Variants in PHF14 observed in about 807,000 individuals in gnomAD.
PHF14 encodes PHD finger protein 14.
A neutral mutation model predicts 117.9 loss-of-function variants in PHF14; 55 were observed. The ratio of observed to expected loss-of-function variants is 0.47; its 90% CI spans 0.38 to 0.58. The LOEUF is 0.58. Among genes scored for constraint, PHF14 ranks in the 20% least tolerant of loss-of-function variants. The probability of loss-of-function intolerance (pLI) is 0.00; values close to 1 mark genes in which losing one functional copy is unlikely to be tolerated. For synonymous variants in PHF14, 409 were observed against 368.6 expected (o/e 1.11, Z -1.26); for missense variants, 978 against 1,122.2 (o/e 0.87, Z 1.84).
chr7:11,133,201 T>G (rs1788132494), intron 17 of PHF14, among the ~76,000 whole-genome samples: 1 of 151,874 alleles, frequency 6.6e-6, no homozygotes, highest in African/African-American at 2.4e-5. Flanking sequence ...TTTGACAAAC[T>G]GATTCTCAAG....
intron 14 of PHF14, among the ~76,000 whole-genome samples, chr7:11,058,892 C>T (rs1745234761): frequency 6.6e-6 from 1 of 151,994 alleles, no homozygotes; most frequent in South Asian, 2.1e-4. Context: ...CTCTGGATTG[C>T]TTTTTCAGAG....
At chr7:10,976,771 A>T (rs533569916) in intron 2 of PHF14, among the ~76,000 whole-genome samples, 3 of 151,188 alleles carry the variant, frequency 2.0e-5, no homozygotes, top group African/African-American at 7.3e-5. Flanking sequence ...TGTTAGGTTG[A>T]TATATCTATA....
intron 16 of PHF14, among the ~76,000 whole-genome samples, chr7:11,078,123 A>G (rs1459783099): frequency 6.6e-6 from 1 of 152,150 alleles, no homozygotes; most frequent in Non-Finnish European, 1.5e-5. Context: ...AAGAGAAGCT[A>G]TCTAACCTCA....
chr7:11,133,365 C>T (rs1233067788), intron 17 of PHF14, among the ~76,000 whole-genome samples: 1 of 151,832 alleles, frequency 6.6e-6, no homozygotes, highest in Non-Finnish European at 1.5e-5. Context: ...GTCAATGAAA[C>T]AGAATAGAGA....
chr7:11,132,680 A>G (rs887664293), intron 17 of PHF14, among the ~76,000 whole-genome samples: 5 of 151,696 alleles, frequency 3.3e-5, no homozygotes, highest in Non-Finnish European at 7.4e-5. Context: ...GTGTTTTTTT[A>G]TAATGGTATA....
Position 11,142,239 on chromosome 7 carries a change from A to C in PHF14, c.2773-27177A>C, listed in dbSNP as rs1054653368. 5.9e-5 allele frequency among the ~76,000 whole-genome samples: 9 copies of C among 152,184 alleles called. No homozygotes were observed. In the East Asian group the frequency reaches 1.7e-3, roughly 29 times the overall value. On this transcript the variant is annotated intron_variant, in intron 17 of 17. Coordinates refer to ENST00000634607, the MANE Select transcript of PHF14 (RefSeq NM_001007157.2). The stretch of plus-strand genomic sequence containing the variant: ...AAAATTACAGATTTTTTATTTTCTC[A>C]GTAAACTCAGGTATCTTCACATTTA...
At chr7:11,094,120 C>G (rs1172444310) in intron 16 of PHF14, among the ~76,000 whole-genome samples, 8 of 152,142 alleles carry the variant, frequency 5.3e-5, no homozygotes, top group Non-Finnish European at 1.2e-4. Flanking sequence ...ACACTGCCAA[C>G]CAGTGAATGG....
At chr7:10,980,265 AG>A (rs1231475697) in intron 2 of PHF14, among the ~76,000 whole-genome samples, 2 of 152,090 alleles carry the variant, frequency 1.3e-5, no homozygotes, top group African/African-American at 4.8e-5. Flanking sequence ...CCAGAAGAAA[AG>A]TACCTTTTCT....
intron 17 of PHF14, among the ~76,000 whole-genome samples, chr7:11,145,398 A>T (rs868855330): frequency 6.6e-6 from 1 of 152,126 alleles, no homozygotes; most frequent in South Asian, 2.1e-4. Context: ...TCACATTTTT[A>T]AAAAAGTCAC....
In PHF14 at chr7:11,152,142, G is replaced by A. The variant is rs111792238; in HGVS notation, c.2773-17274G>A. On this transcript the variant is annotated intron_variant, in intron 17 of 17. Coordinates refer to ENST00000634607, the MANE Select transcript of PHF14 (RefSeq NM_001007157.2). Reference sequence around the variant, plus strand: ...GCAAGATAGACTTAGGACCTTTTAAGATAACTGAATAATAATCTGGTCAGT... The same window carrying A: ...GCAAGATAGACTTAGGACCTTTTAAAATAACTGAATAATAATCTGGTCAGT... Among the ~76,000 whole-genome samples, 1,111 of 151,006 alleles carry A rather than the reference G, an allele frequency of 7.4e-3. 17 individuals carry two copies. The highest frequency in any genetic ancestry group is 0.026 in the African/African-American group (1,068 of 40,962).
intron 16 of PHF14, among the ~76,000 whole-genome samples, chr7:11,081,779 C>T (rs1786113513): frequency 6.6e-6 from 1 of 151,164 alleles, no homozygotes; most frequent in African/African-American, 2.4e-5. Flanking sequence ...TCACTTGAGC[C>T]CCGGAGGCAG....
At chr7:11,118,336 TA>T (rs1161450873) in intron 17 of PHF14, among the ~76,000 whole-genome samples, 1 of 151,882 alleles carries the variant, frequency 6.6e-6, no homozygotes, top group Non-Finnish European at 1.5e-5. Context: ...GTTGATCCTC[TA>T]CTGTAGAACA....
intron 4 of PHF14, among the ~76,000 whole-genome samples, chr7:11,012,852 C>A (rs1783399534): frequency 6.6e-6 from 1 of 152,186 alleles, no homozygotes; most frequent in Non-Finnish European, 1.5e-5. Context: ...TTAAATACAT[C>A]ATAGAGTTAG....
intron 16 of PHF14, among the ~76,000 whole-genome samples, chr7:11,066,117 C>T (rs1035174195): frequency 3.9e-5 from 6 of 152,234 alleles, no homozygotes; most frequent in South Asian, 4.1e-4. Flanking sequence ...CATTGTTGTT[C>T]GCACTTTTAT....
intron 2 of PHF14, among the ~76,000 whole-genome samples, chr7:10,976,280 C>T (rs1781862694): frequency 6.6e-6 from 1 of 152,118 alleles, no homozygotes; most frequent in Admixed American, 6.5e-5. Flanking sequence ...AGCTCTTTAT[C>T]TCCCATTTAG....
intron 16 of PHF14, chr7:11,102,838 A>G (rs564538366): frequency 8.2e-7 from 1 of 1,218,088 alleles, no homozygotes; most frequent in African/African-American, 1.5e-5. Flanking sequence ...TCTTGTCAGA[A>G]TTGTCGTATT....
chr7:11,061,909 C>T, intron 15 of PHF14, 55 bp from the exon 16 acceptor site: 1 of 1,526,742 alleles, frequency 6.5e-7, no homozygotes, highest in Non-Finnish European at 8.8e-7. Flanking sequence ...AAATTGTTTC[C>T]CTCATATCCT....
At chr7:11,109,773 G>C (rs1403581257) in intron 16 of PHF14, 1 of 151,806 alleles carries the variant, frequency 6.6e-6, no homozygotes, top group East Asian at 1.9e-4. Flanking sequence ...TTTTAGATGT[G>C]TGATATTGTC....
At chr7:11,028,427 T>C (rs1784000433) in intron 6 of PHF14, among the ~76,000 whole-genome samples, 1 of 152,236 alleles carries the variant, frequency 6.6e-6, no homozygotes, top group Non-Finnish European at 1.5e-5. Flanking sequence ...AGTCCTCAAA[T>C]AATTTTAATT....
Sources: allele counts gnomAD v4.1 joint callset (sites outside exome capture counted in the v4.1 genomes callset), GRCh38; gene constraint gnomAD v4.1.1; transcripts MANE v1.5; gene names NCBI Gene and HGNC (gene_info 2026-07-23, HGNC 2026-07-21).